The following TCERG1L variants were observed in gnomAD, a reference collection of about 807,000 sequenced individuals.
The protein encoded by TCERG1L is transcription elongation regulator 1 like.
Under a neutral mutation model 56.3 loss-of-function variants are expected in TCERG1L, and 37 were observed. The ratio of observed to expected loss-of-function variants is 0.66; its 90% confidence interval spans 0.51 to 0.87. The LOEUF is 0.87. Ranked by LOEUF, TCERG1L falls within the 40% of genes least tolerant of loss-of-function variation. The pLI, the probability that TCERG1L is intolerant of heterozygous loss-of-function variation, is 0.00. For synonymous variants in TCERG1L, 324 were observed against 326.3 expected (o/e 0.99, Z 0.08); for missense variants, 799 against 774.2 (o/e 1.03, Z -0.38).
intron 8 of TCERG1L, among the ~76,000 whole-genome samples, chr10:131,122,914 G>C (rs1222780046): frequency 2.0e-5 from 3 of 152,242 alleles, no homozygotes; most frequent in Non-Finnish European, 4.4e-5. Flanking sequence ...GTTGGTGTCA[G>C]AGAATTGCTG....
intron 3 of TCERG1L, among the ~76,000 whole-genome samples, chr10:131,286,666 A>G (rs1027933397): frequency 1.3e-5 from 2 of 152,256 alleles, no homozygotes; most frequent in African/African-American, 4.8e-5. Context: ...TGGATCCTTT[A>G]GCTATTCTCA....
intron 4 of TCERG1L, among the ~76,000 whole-genome samples, chr10:131,214,212 G>A (rs1285091800): frequency 6.6e-6 from 1 of 152,116 alleles, no homozygotes; most frequent in Non-Finnish European, 1.5e-5. Flanking sequence ...GGCTCCCTGG[G>A]AAGCTTGTCC....
chr10:131,197,876 T>C (rs971608787), intron 4 of TCERG1L, among the ~76,000 whole-genome samples: 3 of 152,240 alleles, frequency 2.0e-5, no homozygotes, highest in African/African-American at 7.2e-5. Context: ...ATTGGCATAA[T>C]CTTTAGACCA....
At chr10:131,256,992 GGAAAGAAAGAAA>G (rs745516129) in intron 4 of TCERG1L, among the ~76,000 whole-genome samples, 627 of 59,028 alleles carry the variant, frequency 0.011, 15 homozygotes, top group South Asian at 0.021. Context: ...AAGGAAGGAA[GGAAAGAAAGAAA>G]GAAAGAAAGA....
intron 4 of TCERG1L, among the ~76,000 whole-genome samples, chr10:131,228,055 G>T (rs117358560): frequency 6.6e-6 from 1 of 151,676 alleles, no homozygotes; most frequent in Non-Finnish European, 1.5e-5. Flanking sequence ...TTTCTCAGTG[G>T]CATTGCAGGG....
intron 4 of TCERG1L, among the ~76,000 whole-genome samples, chr10:131,212,368 A>T (rs1381849379): frequency 6.6e-6 from 1 of 152,052 alleles, no homozygotes; most frequent in Non-Finnish European, 1.5e-5. Flanking sequence ...ATGATCAGAA[A>T]CTCCATTCAT....
intron 11 of TCERG1L, among the ~76,000 whole-genome samples, chr10:131,097,735 ATTTTC>A (rs1233010512): frequency 6.6e-6 from 1 of 152,002 alleles, no homozygotes; most frequent in Non-Finnish European, 1.5e-5. Flanking sequence ...TCTAACATCT[ATTTTC>A]TTGTAAGTGT....
intron 4 of TCERG1L, among the ~76,000 whole-genome samples, chr10:131,216,431 CTTCTT>C: frequency 6.6e-6 from 1 of 152,302 alleles, no homozygotes; most frequent in South Asian, 2.1e-4. Context: ...CAATATCTTG[CTTCTT>C]TTGAGGTTGT....
At chr10:131,274,567 C>T (rs1304492885) in intron 3 of TCERG1L, among the ~76,000 whole-genome samples, 1 of 152,152 alleles carries the variant, frequency 6.6e-6, no homozygotes, top group Non-Finnish European at 1.5e-5. Context: ...TTGCAAAGGG[C>T]TTCTTTCACT....
At chr10:131,096,553 G>C (rs1025457062) in intron 11 of TCERG1L, among the ~76,000 whole-genome samples, 3 of 151,806 alleles carry the variant, frequency 2.0e-5, no homozygotes, top group Admixed American at 1.3e-4. Flanking sequence ...CAAATCACAG[G>C]TCAAACAAAG....
intron 8 of TCERG1L, among the ~76,000 whole-genome samples, chr10:131,119,542 A>G (rs1332716063): frequency 2.0e-5 from 3 of 152,236 alleles, no homozygotes; most frequent in African/African-American, 7.2e-5. Flanking sequence ...GCAACTTGAA[A>G]TAAGAACAGG....
intron 4 of TCERG1L, among the ~76,000 whole-genome samples, chr10:131,235,183 C>T (rs1393199954): frequency 1.3e-5 from 2 of 152,192 alleles, no homozygotes; most frequent in African/African-American, 4.8e-5. Context: ...CATGAAAATG[C>T]TTATGCCTAA....
At position 131,267,478 on chromosome 10, in the gene TCERG1L, G is replaced by T. The variant is rs1477088032; in HGVS notation, c.671-7034C>A. On this transcript the variant is annotated intron_variant, in intron 3 of 11. Coordinates refer to ENST00000368642, the MANE Select transcript of TCERG1L (RefSeq NM_174937.4). The surrounding 1 kb of genome is among the most constrained non-coding windows in gnomAD (Gnocchi z 4.9). Reference sequence around the variant, plus strand: ...CTCCCACACTGCCAACTTGAGGGGGGTCATGGCTCCTGCCTGTCCCAGCTC... The same window carrying T: ...CTCCCACACTGCCAACTTGAGGGGGTTCATGGCTCCTGCCTGTCCCAGCTC... Among the ~76,000 whole-genome samples the T allele has an allele frequency of 6.6e-6, 1 of 152,216 alleles. No homozygotes were observed. Among genetic ancestry groups the T allele is most frequent in the Non-Finnish European group, 1.5e-5 (1 of 68,040 alleles).
At chr10:131,149,129 G>A (rs1002283033) in intron 6 of TCERG1L, among the ~76,000 whole-genome samples, 2 of 152,258 alleles carry the variant, frequency 1.3e-5, no homozygotes, top group African/African-American at 4.8e-5. Context: ...CTTCAGATGG[G>A]GGGTGGAATG....
rs1353570602 is a variant in TCERG1L, at chr10:131,260,933, C to A, written c.671-489G>T. ...CCAGAGGACACCAGGCTCAGCTGGG[C>A]CCTGCAGGGAGAGGGCGGAGAGGTT... On this transcript the variant is annotated intron_variant, in intron 3 of 11. Transcript: ENST00000368642. The surrounding 1 kb of genome is among the most constrained non-coding windows in gnomAD (Gnocchi z 5.8). 6.6e-6 allele frequency among the ~76,000 whole-genome samples: 1 copy of A among 152,022 alleles called. No individual in the cohort carries two copies. The highest frequency in any genetic ancestry group is 1.5e-5 in the Non-Finnish European group (1 of 68,010).
chr10:131,233,356 CT>C (rs1198108277), intron 4 of TCERG1L, among the ~76,000 whole-genome samples: 1 of 152,026 alleles, frequency 6.6e-6, no homozygotes, highest in African/African-American at 2.4e-5. Context: ...TTTTTGGTCC[CT>C]TTAATCACAG....
At chr10:131,199,484 C>T (rs193186030) in intron 4 of TCERG1L, among the ~76,000 whole-genome samples, 11 of 152,324 alleles carry the variant, frequency 7.2e-5, no homozygotes, top group South Asian at 4.1e-4. Context: ...ACACAGCTCA[C>T]CCAGTTCTTG....
chr10:131,131,851 C>G (rs1845622080), intron 8 of TCERG1L, among the ~76,000 whole-genome samples: 1 of 152,192 alleles, frequency 6.6e-6, no homozygotes, highest in Non-Finnish European at 1.5e-5. Context: ...ACGCTATCCA[C>G]ACAAAAAGCG....
intron 3 of TCERG1L, among the ~76,000 whole-genome samples, chr10:131,265,064 G>A (rs940436947): frequency 2.8e-4 from 43 of 152,156 alleles, no homozygotes; most frequent in Non-Finnish European, 1.6e-4. Flanking sequence ...AGAAGCCACC[G>A]AGTCCATTTT....
Sources: gnomAD v4.1 joint callset for allele counts (sites outside exome capture counted in the v4.1 genomes callset) on GRCh38, gnomAD v4.1.1 for gene constraint, Gnocchi (gnomAD v3.1) non-coding constraint, MANE v1.5 for transcripts, NCBI Gene and HGNC (gene_info 2026-07-23, HGNC 2026-07-21) for gene names.